The following SMC6 variants were observed in gnomAD, a reference collection of about 807,000 sequenced individuals.
SMC6 encodes structural maintenance of chromosomes protein 6.
In SMC6, 79 loss-of-function variants were observed where a neutral mutation model predicts 142.2. The observed-to-expected ratio is 0.56, with a 90% CI of 0.46 to 0.67. The LOEUF (loss-of-function observed/expected upper bound fraction) is 0.67. Among genes scored for constraint, SMC6 ranks in the 30% least tolerant of loss-of-function variants. The pLI, the probability that SMC6 is intolerant of heterozygous loss-of-function variation, is 0.00. For synonymous variants in SMC6, 411 were observed against 412.4 expected (o/e 1.00, Z 0.04); for missense variants, 1,072 against 1,284.0 (o/e 0.83, Z 2.52).
intron 2 of SMC6, among the ~76,000 whole-genome samples, chr2:17,752,713 C>G (rs1671112716): frequency 6.6e-6 from 1 of 152,198 alleles, no homozygotes; most frequent in Non-Finnish European, 1.5e-5. Context: ...TATGTTCCCT[C>G]TCTACCCACA....
chr2:17,741,837 T>G (rs1377252078), intron 3 of SMC6, 108 bp from the exon 4 acceptor site: 1 of 633,770 alleles, frequency 1.6e-6, no homozygotes, highest in Non-Finnish European at 2.7e-6. Context: ...ATGAAAAAAT[T>G]TACAGAAAGT....
At chr2:17,676,664 G>A (rs1667006610) in intron 25 of SMC6, among the ~76,000 whole-genome samples, 1 of 152,074 alleles carries the variant, frequency 6.6e-6, no homozygotes, top group South Asian at 2.1e-4. Context: ...ATAATACTGA[G>A]TCTTCTGATC....
intron 9 of SMC6, among the ~76,000 whole-genome samples, chr2:17,724,592 G>T (rs1326050378): frequency 6.6e-6 from 1 of 152,188 alleles, no homozygotes; most frequent in African/African-American, 2.4e-5. Flanking sequence ...TGAGGTCTCT[G>T]ATTATCACAC....
In SMC6 at chr2:17,696,386, T is replaced by C. The variant is rs778578417; in HGVS notation, c.2435A>G (p.Lys812Arg). 24 of 1,611,460 alleles carry C rather than the reference T, an allele frequency of 1.5e-5. No individual in the cohort carries two copies. In the East Asian group the frequency reaches 4.9e-4, roughly 33 times the overall value. Reference protein sequence around the residue: ...NLADSEVDNQKRGKRHYEEKQ... With the variant: ...NLADSEVDNQRRGKRHYEEKQ... ...TTCTTCATAATGTCGTTTCCCTCGT[T>C]TTTGGTTATCCACTTCAGAATCAGC... Residue 812 changes from lysine to arginine, a missense_variant, in exon 22 of 28, where the codon AAA becomes AGA. This residue lies in a region of SMC6 where 994 missense variants were observed against 1,153.2 expected (regional missense o/e 0.86). Transcript: ENST00000448223.
intron 21 of SMC6, among the ~76,000 whole-genome samples, chr2:17,698,742 T>C (rs74441612): frequency 0.024 from 3,676 of 152,180 alleles, 172 homozygotes; most frequent in African/African-American, 0.083. Flanking sequence ...TTGTATTCTG[T>C]TGTTCATCTG....
chr2:17,702,062 G>C (rs1668294999), intron 19 of SMC6, among the ~76,000 whole-genome samples, 153 bp from the exon 20 acceptor site: 1 of 152,044 alleles, frequency 6.6e-6, no homozygotes, highest in African/African-American at 2.4e-5. Context: ...ATCAACCAAA[G>C]GAAATTACGT....
chr2:17,723,170 G>A (rs1669456717), intron 9 of SMC6, among the ~76,000 whole-genome samples: 1 of 151,956 alleles, frequency 6.6e-6, no homozygotes, highest in Non-Finnish European at 1.5e-5. Context: ...TACAACATCT[G>A]CCTAGATCAT....
chr2:17,710,579 T>C (rs1668779530), intron 16 of SMC6, among the ~76,000 whole-genome samples: 1 of 152,006 alleles, frequency 6.6e-6, no homozygotes, highest in Non-Finnish European at 1.5e-5. Context: ...AAGCAAAAGA[T>C]ACCAAAAACG....
At chr2:17,712,001 G>A (rs540761942) in intron 16 of SMC6, among the ~76,000 whole-genome samples, 9 of 152,258 alleles carry the variant, frequency 5.9e-5, no homozygotes, top group African/African-American at 1.4e-4. Flanking sequence ...AGAGCTGTGC[G>A]GAGCACCAGA....
chr2:17,740,702 A>G (rs773508908), intron 4 of SMC6: 14 of 444,452 alleles, frequency 3.1e-5, no homozygotes, highest in South Asian at 1.3e-4. Flanking sequence ...TAAAAATACA[A>G]AAATTAGCCA....
At chr2:17,710,665 AG>A (rs1668784642) in intron 16 of SMC6, among the ~76,000 whole-genome samples, 1 of 152,196 alleles carries the variant, frequency 6.6e-6, no homozygotes, top group African/African-American at 2.4e-5. Context: ...GAAGAATGAA[AG>A]GATCAAGGGC....
intron 3 of SMC6, among the ~76,000 whole-genome samples, chr2:17,743,342 C>T (rs1259303161): frequency 5.9e-5 from 9 of 152,122 alleles, no homozygotes; most frequent in Non-Finnish European, 1.0e-4. Context: ...TTCTTTGATT[C>T]CCTTCATCAG....
At chr2:17,717,386 A>T (rs527582029) in intron 12 of SMC6, among the ~76,000 whole-genome samples, 1 of 152,312 alleles carries the variant, frequency 6.6e-6, no homozygotes, top group African/African-American at 2.4e-5. Context: ...TTTAAAAAAT[A>T]GAAGGCCAGG....
Position 17,664,559 on chromosome 2 carries a change from T to C in SMC6, c.*940A>G, listed in dbSNP as rs1666407966. 1 of 152,202 alleles carries C rather than the reference T, an allele frequency of 6.6e-6. No individual in the cohort carries two copies. Among genetic ancestry groups the C allele is most frequent in the South Asian group, 2.1e-4 (1 of 4,828 alleles). The allele number at this position is 152,202 out of a possible 1,614,324, so 9.4% of individuals were successfully genotyped here. A position where few individuals can be genotyped will look rare whatever the true frequency, so the allele number is the denominator to read the frequency against. On this transcript the variant is annotated 3_prime_UTR_variant, in exon 28 of 28. Coordinates refer to ENST00000448223, the MANE Select transcript of SMC6 (RefSeq NM_001142286.2). ...ACAAATAATACAGGGAGCAATAAAA[T>C]TCATGTTTTCTAAAATAAAAAGTTC...
At chr2:17,693,552 G>T (rs181770887) in intron 23 of SMC6, among the ~76,000 whole-genome samples, 7 of 152,080 alleles carry the variant, frequency 4.6e-5, no homozygotes, top group Middle Eastern at 3.4e-3. Context: ...CTGTGTGGTG[G>T]GGGGAGGGAC....
intron 3 of SMC6, among the ~76,000 whole-genome samples, chr2:17,743,088 C>T (rs1313245920): frequency 2.0e-5 from 3 of 152,114 alleles, no homozygotes; most frequent in East Asian, 3.8e-4. Flanking sequence ...TTGCCTATAT[C>T]GGTAGTTCGC....
intron 3 of SMC6, among the ~76,000 whole-genome samples, chr2:17,742,045 C>T (rs1361098527): frequency 2.0e-5 from 3 of 152,100 alleles, no homozygotes; most frequent in African/African-American, 7.2e-5. Context: ...GTGGCATCCC[C>T]AGCCTCTACC....
intron 2 of SMC6, among the ~76,000 whole-genome samples, chr2:17,746,801 C>A (rs1195519518): frequency 6.6e-6 from 1 of 152,054 alleles, no homozygotes; most frequent in African/African-American, 2.4e-5. Context: ...ACATTTAAGA[C>A]CTAAAATGAT....
intron 23 of SMC6, among the ~76,000 whole-genome samples, chr2:17,684,877 C>T (rs142496868): frequency 4.3e-4 from 66 of 151,886 alleles, no homozygotes; most frequent in African/African-American, 1.4e-3. Context: ...CAAGTGCTAC[C>T]AGGAAGGAAT....
Sources: allele counts gnomAD v4.1 joint callset (sites outside exome capture counted in the v4.1 genomes callset), GRCh38; gene constraint gnomAD v4.1.1; regional missense constraint gnomAD v4.1.1; transcripts MANE v1.5; gene names NCBI Gene and HGNC (gene_info 2026-07-23, HGNC 2026-07-21).